The following TNNI3K variants were observed in gnomAD, a reference collection of about 807,000 sequenced individuals.
TNNI3K encodes TNNI3 interacting kinase, also known as serine/threonine-protein kinase TNNI3K.
TNNI3K carries 140 observed loss-of-function variants against 114.5 expected under a neutral mutation model. That is an observed-to-expected ratio of 1.22 (90% CI 1.07 to 1.41). The LOEUF (loss-of-function observed/expected upper bound fraction) is 1.41, where lower values mean the gene tolerates loss of function less well. Ranked by LOEUF, TNNI3K falls within the 40% of genes most tolerant of loss-of-function variation. The probability of loss-of-function intolerance (pLI) is 0.00; values close to 1 mark genes in which losing one functional copy is unlikely to be tolerated. For missense variants in TNNI3K, 1,125 were observed against 1,007.6 expected, an observed-to-expected ratio of 1.12 and a Z score of -1.58; for synonymous variants, 347 against 347.5, an observed-to-expected ratio of 1.00 and a Z score of 0.02.
intron 6 of TNNI3K, 79 bp downstream of exon 6, chr1:74,331,627 A>T (rs1433834844): frequency 2.5e-6 from 3 of 1,222,652 alleles, no homozygotes; most frequent in East Asian, 5.4e-5. Flanking sequence ...AGCTTCAAAG[A>T]GTTTATATTT....
chr1:74,382,002 G>A (rs1663227213), intron 17 of TNNI3K, among the ~76,000 whole-genome samples: 1 of 152,198 alleles, frequency 6.6e-6, no homozygotes, highest in Admixed American at 6.5e-5. Flanking sequence ...ATGTGGTTAG[G>A]CACCTTTTCT....
intron 20 of TNNI3K, among the ~76,000 whole-genome samples, chr1:74,441,759 A>G (rs1279525386): frequency 1.3e-5 from 2 of 152,212 alleles, no homozygotes; most frequent in Admixed American, 1.3e-4. Flanking sequence ...TTGACACTTT[A>G]TGTGCTTGTT....
chr1:74,447,308 G>A (rs1457949434), intron 20 of TNNI3K, among the ~76,000 whole-genome samples: 6 of 149,862 alleles, frequency 4.0e-5, no homozygotes, highest in African/African-American at 1.5e-4. Context: ...AAGCAATTGT[G>A]AATGGGAGTT....
chr1:74,383,614 G>A (rs1663317781), intron 17 of TNNI3K, among the ~76,000 whole-genome samples: 1 of 152,078 alleles, frequency 6.6e-6, no homozygotes, highest in Admixed American at 6.6e-5. Context: ...ACTTGAGAGT[G>A]TTCCCACTAC....
chr1:74,367,697 A>G (rs965671356), intron 12 of TNNI3K, among the ~76,000 whole-genome samples: 2 of 152,000 alleles, frequency 1.3e-5, no homozygotes, highest in Non-Finnish European at 2.9e-5. Flanking sequence ...TAAATCTGCT[A>G]GAGTCTGCTA....
intron 9 of TNNI3K, among the ~76,000 whole-genome samples, chr1:74,349,923 C>T (rs2100465110): frequency 6.6e-6 from 1 of 152,242 alleles, no homozygotes; most frequent in Admixed American, 6.5e-5. Context: ...AAAAAACCAG[C>T]TCCTGGATTC....
chr1:74,247,233 C>T (rs746476269), intron 2 of TNNI3K, among the ~76,000 whole-genome samples: 20 of 151,978 alleles, frequency 1.3e-4, no homozygotes, highest in South Asian at 2.1e-4. Flanking sequence ...GGAGTGAAGC[C>T]GCCGACCTTC....
At chr1:74,240,471 T>A (rs1314376165) in intron 2 of TNNI3K, 1 of 152,226 alleles carries the variant, frequency 6.6e-6, no homozygotes, top group Non-Finnish European at 1.5e-5. Context: ...TGAACTAGAT[T>A]AAACAATTTG....
At chr1:74,327,582 T>C (rs1466513055) in intron 5 of TNNI3K, among the ~76,000 whole-genome samples, 3 of 146,450 alleles carry the variant, frequency 2.0e-5, no homozygotes, top group African/African-American at 7.4e-5. Flanking sequence ...AATATATATA[T>C]ATCAGTGGTA....
rs776948756 is a variant in TNNI3K, at chr1:74,439,520, A to T, written c.1909A>T (p.Thr637Ser). Reference protein sequence around the residue: ...NLRWMAPEVFTQCTRYTIKAD... With the variant: ...NLRWMAPEVFSQCTRYTIKAD... Reference sequence around the variant, plus strand: ...CCGTTGGATGGCTCCTGAGGTGTTCACGCAGTGCACTCGGTACACCATCAA... The same window carrying T: ...CCGTTGGATGGCTCCTGAGGTGTTCTCGCAGTGCACTCGGTACACCATCAA... The change falls in exon 20 of 25, where the codon ACG becomes TCG. Residue 637 changes from threonine to serine, a missense_variant. Thr to Ser is a moderately conservative substitution (Grantham distance 58). Coordinates refer to ENST00000326637, the MANE Select transcript of TNNI3K (RefSeq NM_015978.3). The T allele has an allele frequency of 2.4e-5, 39 of 1,613,286 alleles. No individual in the cohort carries two copies. The East Asian group carries it at 8.7e-4, about 36-fold the overall frequency.
At chr1:74,327,563 T>C (rs1171662761) in intron 5 of TNNI3K, among the ~76,000 whole-genome samples, 1 of 146,600 alleles carries the variant, frequency 6.8e-6, no homozygotes, top group Middle Eastern at 3.7e-3. Context: ...ATCTCAGTAG[T>C]AGTTTTTTAA....
chr1:74,440,572 G>GT (rs200616451), intron 20 of TNNI3K, among the ~76,000 whole-genome samples: 2,432 of 151,934 alleles, frequency 0.016, 149 homozygotes, highest in Admixed American at 0.12. Context: ...CTATTTTGGA[G>GT]TTTTTTTTCC....
chr1:74,420,071 C>T (rs1481501678), intron 17 of TNNI3K, among the ~76,000 whole-genome samples: 1 of 151,884 alleles, frequency 6.6e-6, no homozygotes, highest in Non-Finnish European at 1.5e-5. Flanking sequence ...TTAGGGGAGA[C>T]ATGCACTTTG....
intron 5 of TNNI3K, among the ~76,000 whole-genome samples, chr1:74,322,367 G>A (rs1659658978): frequency 6.6e-6 from 1 of 151,444 alleles, no homozygotes; most frequent in African/African-American, 2.4e-5. Context: ...ATCTCCCCTT[G>A]TAGGCATCCT....
intron 7 of TNNI3K, among the ~76,000 whole-genome samples, chr1:74,340,930 C>G (rs1660718639): frequency 6.6e-6 from 1 of 152,050 alleles, no homozygotes; most frequent in South Asian, 2.1e-4. Context: ...AAAAAAGATT[C>G]AAAGGTTTGT....
intron 17 of TNNI3K, chr1:74,418,229 G>A (rs1024304713): frequency 2.2e-6 from 1 of 450,024 alleles, no homozygotes; most frequent in Non-Finnish European, 4.5e-6. Flanking sequence ...ACATGAGGCA[G>A]TGCATCAGAA....
intron 20 of TNNI3K, among the ~76,000 whole-genome samples, chr1:74,441,540 G>A (rs908914334): frequency 6.6e-6 from 1 of 152,044 alleles, no homozygotes; most frequent in African/African-American, 2.4e-5. Context: ...AGTAACAGAT[G>A]GATTGCTACA....
At chr1:74,451,255 G>T (rs1364105371) in intron 20 of TNNI3K, among the ~76,000 whole-genome samples, 1 of 152,094 alleles carries the variant, frequency 6.6e-6, no homozygotes, top group Non-Finnish European at 1.5e-5. Context: ...GGGGAAGGCA[G>T]GGGGAGGGAG....
chr1:74,237,897 G>A (rs1276665208), intron 2 of TNNI3K, among the ~76,000 whole-genome samples: 3 of 151,908 alleles, frequency 2.0e-5, no homozygotes, highest in East Asian at 1.9e-4. Context: ...TATTAACTCC[G>A]GTGGATGATA....
Sources: allele counts gnomAD v4.1 joint callset (sites outside exome capture counted in the v4.1 genomes callset), GRCh38; gene constraint gnomAD v4.1.1; transcripts MANE v1.5; gene names NCBI Gene and HGNC (gene_info 2026-07-23, HGNC 2026-07-21).